The following SUSD5 variants were observed in gnomAD, a reference collection of about 807,000 sequenced individuals.
SUSD5 encodes sushi domain containing 5.
SUSD5 carries 33 observed loss-of-function variants against 29.5 expected under a neutral mutation model. The observed-to-expected ratio is 1.12, with a 90% CI of 0.85 to 1.49. SUSD5 has a LOEUF of 1.49. Ranked by LOEUF, SUSD5 falls within the 40% of genes most tolerant of loss-of-function variation. The pLI is 0.00. For synonymous variants in SUSD5, 308 were observed against 325.3 expected, an observed-to-expected ratio of 0.95 and a Z score of 0.57; for missense variants, 776 against 800.6, an observed-to-expected ratio of 0.97 and a Z score of 0.37.
intron 3 of SUSD5, among the ~76,000 whole-genome samples, chr3:33,193,778 C>T (rs2031943303): frequency 6.6e-6 from 1 of 152,180 alleles, no homozygotes; most frequent in African/African-American, 2.4e-5. Context: ...TTCTAACCTA[C>T]AAACTGCCCT....
chr3:33,158,960 T>C (rs910725342), intron 4 of SUSD5, among the ~76,000 whole-genome samples: 3 of 152,200 alleles, frequency 2.0e-5, no homozygotes, highest in African/African-American at 7.2e-5. Context: ...GAACCCCAGA[T>C]TCTATTTTAT....
At chr3:33,180,190 G>A (rs554958361) in intron 3 of SUSD5, among the ~76,000 whole-genome samples, 1 of 152,244 alleles carries the variant, frequency 6.6e-6, no homozygotes, top group South Asian at 2.1e-4. Context: ...TCCAGAGAAG[G>A]CATTGTTATA....
At chr3:33,213,673 C>T (rs2032366748) in intron 2 of SUSD5, among the ~76,000 whole-genome samples, 1 of 152,034 alleles carries the variant, frequency 6.6e-6, no homozygotes, top group Non-Finnish European at 1.5e-5. Context: ...ACTCGGGAGG[C>T]TGAGGCAGGA....
intron 3 of SUSD5, among the ~76,000 whole-genome samples, chr3:33,177,379 A>G (rs2031574523): frequency 6.6e-6 from 1 of 152,198 alleles, no homozygotes; most frequent in African/African-American, 2.4e-5. Flanking sequence ...TTCTTCTTTG[A>G]TATATTTCAT....
intron 2 of SUSD5, among the ~76,000 whole-genome samples, chr3:33,211,252 TA>T (rs1297526184): frequency 6.6e-5 from 10 of 152,150 alleles, no homozygotes; most frequent in Non-Finnish European, 1.3e-4. Flanking sequence ...TAATATGTCT[TA>T]ATACCTTATA....
At chr3:33,169,000 C>T (rs1423489917) in intron 4 of SUSD5, among the ~76,000 whole-genome samples, 3 of 152,120 alleles carry the variant, frequency 2.0e-5, no homozygotes, top group African/African-American at 7.2e-5. Flanking sequence ...GTGTCTGACA[C>T]AGGCAAGTCA....
At chr3:33,164,000 A>AAAAAAC (rs547983135) in intron 4 of SUSD5, among the ~76,000 whole-genome samples, 82 of 152,170 alleles carry the variant, frequency 5.4e-4, no homozygotes, top group Middle Eastern at 6.8e-3. Context: ...ACTCCGTCTC[A>AAAAAAC]AAAAACAAAA....
At chr3:33,194,723 G>A (rs1386414701) in intron 3 of SUSD5, among the ~76,000 whole-genome samples, 1 of 152,180 alleles carries the variant, frequency 6.6e-6, no homozygotes, top group African/African-American at 2.4e-5. Context: ...ATGAATGATG[G>A]AAGGTAAGAT....
chr3:33,159,681 G>T (rs1344779828), intron 4 of SUSD5, among the ~76,000 whole-genome samples: 1 of 146,954 alleles, frequency 6.8e-6, no homozygotes, highest in African/African-American at 2.5e-5. Context: ...CTACCAAAAT[G>T]GGGAAACACC....
intron 4 of SUSD5, among the ~76,000 whole-genome samples, chr3:33,157,188 G>C (rs928685804): frequency 1.3e-5 from 2 of 152,210 alleles, no homozygotes; most frequent in African/African-American, 4.8e-5. Flanking sequence ...CTATGTGCTA[G>C]AGTTTGGGAT....
chr3:33,212,034 A>G (rs1300870517), intron 2 of SUSD5, among the ~76,000 whole-genome samples: 1 of 152,148 alleles, frequency 6.6e-6, no homozygotes, highest in Non-Finnish European at 1.5e-5. Flanking sequence ...AGTGTTCTAT[A>G]CCACTGTAGG....
At chr3:33,175,491 G>A (rs181430102) in intron 3 of SUSD5, among the ~76,000 whole-genome samples, 12 of 151,218 alleles carry the variant, frequency 7.9e-5, no homozygotes, top group East Asian at 3.9e-4. Flanking sequence ...CCCCTTCCCC[G>A]CCCACAACCT....
rs1466084629 is a variant in SUSD5, at chr3:33,167,413, G to A, written c.598+7473C>T. Among the ~76,000 whole-genome samples the A allele has an allele frequency of 6.6e-6, 1 of 151,970 alleles. No homozygotes were observed. Among genetic ancestry groups the A allele is most frequent in the Non-Finnish European group, 1.5e-5 (1 of 67,986 alleles). On this transcript the variant is annotated intron_variant, in intron 4 of 4. Transcript: ENST00000309558. The surrounding 1 kb of genome is among the most constrained non-coding windows in gnomAD (Gnocchi z 4.1). The stretch of plus-strand genomic sequence containing the variant: ...TGTGTGTTTGTTTGTGTGCATGCAT[G>A]CGTGTGTGTGTGTCTGTGTATGCAT...
intron 4 of SUSD5, among the ~76,000 whole-genome samples, chr3:33,161,938 G>A (rs2031198017): frequency 1.3e-5 from 2 of 151,948 alleles, no homozygotes; most frequent in African/African-American, 4.8e-5. Context: ...ATAGAAAAAA[G>A]GTAAGAATAT....
At position 33,153,242 on chromosome 3, in the gene SUSD5, C is replaced by A. The variant is rs764807172; in HGVS notation, c.1390G>T (p.Asp464Tyr). 1 of 1,613,878 alleles carries A rather than the reference C, an allele frequency of 6.2e-7. No individual in the cohort carries two copies. The highest frequency in any genetic ancestry group is 8.5e-7 in the Non-Finnish European group (1 of 1,179,868). Residue 464 changes from aspartate to tyrosine, a missense_variant, in exon 5 of 5, where the codon GAC becomes TAC. Physicochemically the swap from Asp to Tyr is radical, Grantham distance 160 (BLOSUM62 -3). Transcript: ENST00000309558. The stretch of plus-strand genomic sequence containing the variant: ...AGAGTTGACTGGTACTTCGTCAAGT[C>A]ACCATCCCCAATGCCCTCAGTCTCG... ...ASETEGIGDG[D>Y]LTKYQSTLPW...
At chr3:33,183,261 T>A (rs1297839800) in intron 3 of SUSD5, among the ~76,000 whole-genome samples, 1 of 152,250 alleles carries the variant, frequency 6.6e-6, no homozygotes, top group African/African-American at 2.4e-5. Context: ...GGATAACCAC[T>A]ATAATTGTTA....
At chr3:33,218,526 G>A (rs1400272643) in intron 1 of SUSD5, among the ~76,000 whole-genome samples, 160 bp downstream of exon 1, 1 of 152,210 alleles carries the variant, frequency 6.6e-6, no homozygotes, top group Non-Finnish European at 1.5e-5. Context: ...GGTGGGCCAG[G>A]AGAGGGATGC....
At chr3:33,217,421 T>C (rs189692211) in intron 1 of SUSD5, among the ~76,000 whole-genome samples, 29 of 152,298 alleles carry the variant, frequency 1.9e-4, no homozygotes, top group Non-Finnish European at 4.0e-4. Context: ...CTAATGAATA[T>C]ACTAAAACCC....
intron 3 of SUSD5, among the ~76,000 whole-genome samples, chr3:33,194,448 A>T (rs1047834346): frequency 1.3e-5 from 2 of 152,228 alleles, no homozygotes; most frequent in African/African-American, 4.8e-5. Context: ...CAGAGGTCAG[A>T]GCCCAGAGGA....
Sources: gnomAD v4.1 joint callset for allele counts (sites outside exome capture counted in the v4.1 genomes callset) on GRCh38, gnomAD v4.1.1 for gene constraint, Gnocchi (gnomAD v3.1) non-coding constraint, MANE v1.5 for transcripts, NCBI Gene and HGNC (gene_info 2026-07-23, HGNC 2026-07-21) for gene names.